The following TRMT44 variants were observed in gnomAD, a reference collection of about 807,000 sequenced individuals.
TRMT44 encodes probable tRNA (uracil-O(2)-)-methyltransferase.
Under a neutral mutation model 77.3 loss-of-function variants are expected in TRMT44, and 78 were observed. The observed-to-expected ratio is 1.01, with a 90% CI of 0.84 to 1.22. The LOEUF (loss-of-function observed/expected upper bound fraction) is 1.22. Among genes scored for constraint, TRMT44 ranks in the 50% most tolerant of loss-of-function variants. TRMT44 has a pLI of 0.00. For synonymous variants in TRMT44, 391 were observed against 383.3 expected (o/e 1.02, Z -0.23); for missense variants, 1,090 against 964.4 (o/e 1.13, Z -1.73).
chr4:8,510,308 C>T, the TRMT44 span: 3 of 152,774 alleles, frequency 2.0e-5, no homozygotes, highest in Non-Finnish European at 2.9e-5. Context: ...CTTCCTCCAT[C>T]TCAGAGCCGG....
In TRMT44 at chr4:8,465,392, G is replaced by T; in HGVS notation, c.1325G>T (p.Cys442Phe). ...TCTTTTTGAAGGTCTTCCTACAATT[G>T]CCGCTTCTTTGTCCTCCCCTGCTGC... The part of the protein sequence containing the change: ...PVIAARSSYN[C>F]RFFVLPCCFF... Residue 442 changes from cysteine (C) to phenylalanine (F), a missense_variant, in exon 8 of 11, where the codon TGC (cysteine) becomes TTC (phenylalanine). By Grantham distance (205) the Cys-to-Phe change is radical (BLOSUM62 -2). Transcript: ENST00000389737. 6.2e-7 allele frequency: 1 copy of T among 1,611,674 alleles called. No homozygotes were observed. The highest frequency in any genetic ancestry group is 8.5e-7 in the Non-Finnish European group (1 of 1,179,162).
the TRMT44 span, among the ~76,000 whole-genome samples, chr4:8,500,520 T>A: frequency 6.6e-6 from 1 of 151,768 alleles, no homozygotes; most frequent in African/African-American, 2.4e-5. Flanking sequence ...ATAAATAAAA[T>A]AAAATAAATT....
At chr4:8,515,552 C>T in the TRMT44 span, among the ~76,000 whole-genome samples, 1 of 152,214 alleles carries the variant, frequency 6.6e-6, no homozygotes, top group Non-Finnish European at 1.5e-5. Flanking sequence ...GCTGTGGGAG[C>T]CCAGAGGAGT....
Position 8,467,930 on chromosome 4 carries a change from A to G in TRMT44, c.1511A>G (p.Lys504Arg). ...PSTKRVCLVG[K>R]SRTYPSSREA... ...CAAACGCAGGTCTGTCTCGTTGGAA[A>G]ATCCAGAACATACCCTTCCTCCAGA... Residue 504 changes from lysine (K) to arginine (R), a missense_variant, in exon 9 of 11, where the codon AAA (lysine) becomes AGA (arginine). By Grantham distance (26) the Lys-to-Arg change is conservative. Coordinates refer to ENST00000389737, the MANE Select transcript of TRMT44 (RefSeq NM_152544.3). The G allele has an allele frequency of 6.2e-7, 1 of 1,601,402 alleles. No homozygotes were observed. The highest frequency in any genetic ancestry group is 8.5e-7 in the Non-Finnish European group (1 of 1,170,854).
rs970287625 is a variant in TRMT44, at chr4:8,443,136, T to A, written c.619+1695T>A. Among the ~76,000 whole-genome samples the A allele has an allele frequency of 2.0e-5, 3 of 152,144 alleles. No homozygotes were observed. The East Asian group carries it at 5.8e-4, about 29-fold the overall frequency. ...CTGTGCCTTTGTAAGACTCTAGGTG[T>A]CCTCTCCTCCAGGGGGCCTCTCTGC... On this transcript the variant is annotated intron_variant, in intron 1 of 10. Transcript: ENST00000389737.
chr4:8,506,122 A>G, the TRMT44 span, among the ~76,000 whole-genome samples: 508 of 152,332 alleles, frequency 3.3e-3, 1 homozygote, highest in Non-Finnish European at 5.5e-3. Flanking sequence ...TGTGCTCCTG[A>G]TGAGGACATG....
At position 8,452,888 on chromosome 4, in the gene TRMT44, T is replaced by G; in HGVS notation, c.1030T>G (p.Trp344Gly). 6.6e-7 allele frequency: 1 copy of G among 1,522,396 alleles called. No individual in the cohort carries two copies. Among genetic ancestry groups the G allele is most frequent in the East Asian group, 2.5e-5 (1 of 40,536 alleles). The allele number at this position is 1,522,396 out of a possible 1,614,324, so 94.3% of individuals were successfully genotyped here. The change falls in exon 5 of 11, where the codon TGG (tryptophan) becomes GGG (glycine). Residue 344 changes from tryptophan (W) to glycine (G), a missense_variant. Coordinates refer to ENST00000389737, the MANE Select transcript of TRMT44 (RefSeq NM_152544.3). This position sits in a 1 kb window ranked among gnomAD's most constrained non-coding sequence, Gnocchi z 5.7. Reference sequence around the variant, plus strand: ...TGTTTTTCTCTTCACTTAGATTCTATGGGAAGAAGAAAGGGCTGAGAGGAG... The same window carrying G: ...TGTTTTTCTCTTCACTTAGATTCTAGGGGAAGAAGAAAGGGCTGAGAGGAG... ...VAIAAYLLIL[W>G]EEERAERRLT...
chr4:8,449,202 A>G (rs74382381), intron 2 of TRMT44, among the ~76,000 whole-genome samples: 2,017 of 152,332 alleles, frequency 0.013, 49 homozygotes, highest in African/African-American at 0.046. Context: ...GGCAGAAGAC[A>G]TGTGAAAGAC....
At chr4:8,481,826 C>T (rs528006416) in intron 2 of TRMT44, among the ~76,000 whole-genome samples, 17 of 152,200 alleles carry the variant, frequency 1.1e-4, no homozygotes, top group African/African-American at 2.7e-4. Flanking sequence ...GGGCAGTCAC[C>T]GCCTGTGATA....
At chr4:8,476,713 T>G (rs1727409546), downstream of TRMT44, 1 of 152,228 alleles carries the variant, frequency 6.6e-6, no homozygotes, top group Non-Finnish European at 1.5e-5. Context: ...TCCTTTTTAG[T>G]CCTTCCAGAA....
chr4:8,499,989 G>T, the TRMT44 span, among the ~76,000 whole-genome samples: 1 of 152,246 alleles, frequency 6.6e-6, no homozygotes, highest in Non-Finnish European at 1.5e-5. Flanking sequence ...ATCACTTCGG[G>T]AGGCCAAGGC....
intron 10 of TRMT44, among the ~76,000 whole-genome samples, chr4:8,473,058 C>T (rs1311549925): frequency 6.6e-6 from 1 of 152,252 alleles, no homozygotes; most frequent in Admixed American, 6.5e-5. Flanking sequence ...TAAACATTCT[C>T]CTCCAGTCAT....
Position 8,475,750 on chromosome 4 carries a change from T to A in TRMT44, c.2045-22T>A, listed in dbSNP as rs370184875. 174 of 1,611,224 alleles carry A rather than the reference T, an allele frequency of 1.1e-4. 1 individual carries two copies. The African/African-American group carries it at 2.3e-3, about 21-fold the overall frequency. Reference sequence around the variant, plus strand: ...ACTTTCAGGTTTACTTCTCAGTGTGTCTTCTCTGTTCCAAACCACAGTTGT... The same window carrying A: ...ACTTTCAGGTTTACTTCTCAGTGTGACTTCTCTGTTCCAAACCACAGTTGT... On this transcript the variant is annotated intron_variant, in intron 10 of 10. Coordinates refer to ENST00000389737, the MANE Select transcript of TRMT44 (RefSeq NM_152544.3).
At chr4:8,466,179 C>G (rs1214913795) in intron 8 of TRMT44, among the ~76,000 whole-genome samples, 1 of 152,230 alleles carries the variant, frequency 6.6e-6, no homozygotes, top group Non-Finnish European at 1.5e-5. Flanking sequence ...CTTTATTTGA[C>G]AAGACTGTGG....
chr4:8,462,359 C>T (rs1000850516), intron 6 of TRMT44, among the ~76,000 whole-genome samples: 9 of 151,496 alleles, frequency 5.9e-5, no homozygotes, highest in African/African-American at 1.9e-4. Flanking sequence ...TGCAGTGAGC[C>T]GAGATCGCAC....
rs776815435 is a variant in TRMT44, at chr4:8,454,803, C to G, written c.1193C>G (p.Thr398Ser). Residue 398 changes from threonine to serine, a missense_variant, in exon 6 of 11, where the codon ACT becomes AGT. Transcript: ENST00000389737. The part of the protein sequence containing the change: ...RKIWDMYGPQ[T>S]QLEEDAITPN... ...ATCTGGGACATGTATGGACCACAAA[C>G]TCAGTTAGAGGTACCGTCTTTATTA... 1.2e-6 allele frequency: 2 copies of G among 1,614,178 alleles called. No homozygotes were observed. The highest frequency in any genetic ancestry group is 2.2e-5 in the East Asian group (1 of 44,886).
At chr4:8,455,674 C>G (rs564290741) in intron 6 of TRMT44, among the ~76,000 whole-genome samples, 1 of 152,206 alleles carries the variant, frequency 6.6e-6, no homozygotes, top group Non-Finnish European at 1.5e-5. Context: ...TGCTTCTGCT[C>G]ATTTAACATC....
intron 2 of TRMT44, 29 bp from the exon 3 acceptor site, chr4:8,449,640 G>A: frequency 6.9e-7 from 1 of 1,444,016 alleles, no homozygotes. Context: ...ACATATCTGT[G>A]CTTATTCATA....
chr4:8,481,708 A>C (rs533201455), intron 2 of TRMT44, among the ~76,000 whole-genome samples: 9 of 152,240 alleles, frequency 5.9e-5, no homozygotes, highest in Non-Finnish European at 1.3e-4. Flanking sequence ...AGAGAAACAC[A>C]CACATTAGCC....
Sources: gnomAD v4.1 joint callset for allele counts (sites outside exome capture counted in the v4.1 genomes callset) on GRCh38, gnomAD v4.1.1 for gene constraint, Gnocchi (gnomAD v3.1) non-coding constraint, MANE v1.5 for transcripts, NCBI Gene and HGNC (gene_info 2026-07-23, HGNC 2026-07-21) for gene names.